DNAJC6: variants seen among roughly 807,000 people sequenced by gnomAD.
DNAJC6 encodes auxilin.
In DNAJC6, 34 loss-of-function variants were observed where a neutral mutation model predicts 110.0. That is an observed-to-expected ratio of 0.31 (90% CI 0.24 to 0.41). DNAJC6 has a LOEUF of 0.41. DNAJC6 is among the 10% of genes least tolerant of loss of function. DNAJC6 has a pLI of 1.00. For synonymous variants in DNAJC6, 406 were observed against 437.2 expected, an observed-to-expected ratio of 0.93 and a Z score of 0.89; for missense variants, 1,031 against 1,207.8, an observed-to-expected ratio of 0.85 and a Z score of 2.17.
At chr1:65,412,591 A>G (rs1646138453) in intron 18 of DNAJC6, among the ~76,000 whole-genome samples, 1 of 152,214 alleles carries the variant, frequency 6.6e-6, no homozygotes, top group Admixed American at 6.5e-5. Flanking sequence ...GGAAAATGGG[A>G]GTTAAAAACA....
At chr1:65,353,811 C>T (rs1172212387) in intron 1 of DNAJC6, among the ~76,000 whole-genome samples, 1 of 152,068 alleles carries the variant, frequency 6.6e-6, no homozygotes, top group Non-Finnish European at 1.5e-5. Context: ...AAATCTCCAT[C>T]TTTTAGGCAG....
intron 1 of DNAJC6, among the ~76,000 whole-genome samples, chr1:65,319,783 T>A (rs1252146069): frequency 3.3e-5 from 5 of 152,162 alleles, no homozygotes; most frequent in African/African-American, 1.2e-4. Context: ...TTATTCTTAT[T>A]TTAGTTTCTT....
chr1:65,389,441 C>A lies in DNAJC6; in HGVS notation c.1379C>A (p.Ala460Asp), dbSNP rs1322766445. 2.5e-6 allele frequency: 4 copies of A among 1,613,864 alleles called. No homozygotes were observed. Among genetic ancestry groups the A allele is most frequent in the African/African-American group, 1.3e-5 (1 of 74,888 alleles). The change falls in exon 10 of 19, where the codon GCC becomes GAC. Residue 460 changes from alanine (A) to aspartate (D), a missense_variant. Ala to Asp is a moderately radical substitution (Grantham distance 126, BLOSUM62 -2). Coordinates refer to ENST00000371069, the MANE Select transcript of DNAJC6 (RefSeq NM_001256864.2). Reference protein sequence around the residue: ...SSHQEHQDTLALGGQAPIDIP... With the variant: ...SSHQEHQDTLDLGGQAPIDIP... ...CACCAGGAACATCAAGATACGCTGG[C>A]CTTAGGAGGTATGAGTCACCTGATG...
At chr1:65,396,932 A>G (rs1021383690) in intron 13 of DNAJC6, among the ~76,000 whole-genome samples, 32 of 152,098 alleles carry the variant, frequency 2.1e-4, no homozygotes, top group African/African-American at 7.0e-4. Flanking sequence ...TGTTTTCCTG[A>G]TTTTAATACT....
At chr1:65,403,193 G>A (rs1459779197) in intron 15 of DNAJC6, among the ~76,000 whole-genome samples, 1 of 152,204 alleles carries the variant, frequency 6.6e-6, no homozygotes, top group Admixed American at 6.5e-5. Flanking sequence ...TACTTAAAGT[G>A]TTTTACATAT....
At chr1:65,331,601 A>T (rs1645288864) in intron 1 of DNAJC6, among the ~76,000 whole-genome samples, 1 of 152,178 alleles carries the variant, frequency 6.6e-6, no homozygotes, top group Non-Finnish European at 1.5e-5. Flanking sequence ...TGCCAGACAG[A>T]CCAGAGTTGC....
At chr1:65,315,283 A>ACG (rs1186134683) in intron 1 of DNAJC6, among the ~76,000 whole-genome samples, 1 of 133,324 alleles carries the variant, frequency 7.5e-6, no homozygotes, top group African/African-American at 3.6e-5. Flanking sequence ...TTTGAGAATA[A>ACG]TGTTTTTTTT....
intron 1 of DNAJC6, among the ~76,000 whole-genome samples, chr1:65,275,503 C>T (rs546263858): frequency 1.3e-5 from 2 of 152,252 alleles, no homozygotes; most frequent in African/African-American, 4.8e-5. Context: ...GTTGTTAAGA[C>T]TTTTCTCAAT....
At chr1:65,324,138 C>A (rs1645220420) in intron 1 of DNAJC6, among the ~76,000 whole-genome samples, 1 of 151,904 alleles carries the variant, frequency 6.6e-6, no homozygotes, top group African/African-American at 2.4e-5. Flanking sequence ...TTGTTATATC[C>A]ATTTTGGGAT....
intron 1 of DNAJC6, among the ~76,000 whole-genome samples, chr1:65,285,412 T>A (rs1653983905): frequency 6.6e-6 from 1 of 152,212 alleles, no homozygotes; most frequent in Non-Finnish European, 1.5e-5. Flanking sequence ...TGAAATTTAT[T>A]CTTTGTCAAA....
intron 4 of DNAJC6, among the ~76,000 whole-genome samples, chr1:65,376,627 T>G (rs1451471222): frequency 6.6e-6 from 1 of 151,834 alleles, no homozygotes; most frequent in Non-Finnish European, 1.5e-5. Context: ...CCTTCCTAAT[T>G]TCTTCATTGA....
intron 1 of DNAJC6, among the ~76,000 whole-genome samples, chr1:65,351,975 A>T (rs764512958): frequency 6.6e-6 from 1 of 152,164 alleles, no homozygotes; most frequent in Non-Finnish European, 1.5e-5. Context: ...CATGTTGGCC[A>T]GGCTGGTCTT....
At chr1:65,395,131 TA>T (rs1645964486) in intron 13 of DNAJC6, 99 bp downstream of exon 13, 1 of 1,259,326 alleles carries the variant, frequency 7.9e-7, no homozygotes, top group Non-Finnish European at 1.1e-6. Context: ...GCTTTTTTGA[TA>T]AAAGCTTCCT....
At chr1:65,397,931 C>CGT (rs1450972418) in intron 13 of DNAJC6, among the ~76,000 whole-genome samples, 2 of 151,350 alleles carry the variant, frequency 1.3e-5, no homozygotes, top group Admixed American at 6.6e-5. Context: ...TGTGTGTGTG[C>CGT]GTGTGTGTGT....
rs560121176 is a variant in DNAJC6, at chr1:65,312,985, A to G, written c.193+3047A>G. Among the ~76,000 whole-genome samples, 29 of 152,148 alleles carry G rather than the reference A, an allele frequency of 1.9e-4. No homozygotes were observed. The South Asian group carries it at 6.0e-3, about 32-fold the overall frequency. On this transcript the variant is annotated intron_variant, in intron 1 of 18. Transcript: ENST00000371069. ...CGGCTAATTTTTGTATTTTTAGTAG[A>G]GACGGGCTCTTGCCATGTTGGCCAG...
intron 1 of DNAJC6, among the ~76,000 whole-genome samples, chr1:65,328,290 C>T (rs1645258718): frequency 6.6e-6 from 1 of 152,176 alleles, no homozygotes; most frequent in African/African-American, 2.4e-5. Context: ...TTCATAACTA[C>T]AGTTTTATGT....
At chr1:65,291,369 C>A (rs1021310405) in intron 1 of DNAJC6, among the ~76,000 whole-genome samples, 7 of 152,158 alleles carry the variant, frequency 4.6e-5, no homozygotes, top group Non-Finnish European at 8.8e-5. Flanking sequence ...TGTAGATATT[C>A]ATCATGTGAA....
intron 17 of DNAJC6, 132 bp downstream of exon 17, chr1:65,408,915 A>G: frequency 9.2e-7 from 1 of 1,090,592 alleles, no homozygotes; most frequent in Non-Finnish European, 1.2e-6. Flanking sequence ...ACAAAATACC[A>G]TAAACTAGGT....
intron 1 of DNAJC6, among the ~76,000 whole-genome samples, chr1:65,303,493 T>G (rs11208624): frequency 0.13 from 19,966 of 152,152 alleles, 1,802 homozygotes; most frequent in East Asian, 0.27. Flanking sequence ...TTTCTTAGAT[T>G]TGATAACATG....
Sources: gnomAD v4.1 joint callset for allele counts (sites outside exome capture counted in the v4.1 genomes callset) on GRCh38, gnomAD v4.1.1 for gene constraint, MANE v1.5 for transcripts, NCBI Gene and HGNC (gene_info 2026-07-23, HGNC 2026-07-21) for gene names.